Variants in DNAH17 observed in about 807,000 individuals in gnomAD.
The protein encoded by DNAH17 is dynein axonemal heavy chain 17.
In DNAH17, 376 loss-of-function variants were observed where a neutral mutation model predicts 485.6. That is an observed-to-expected ratio of 0.77 (90% CI 0.71 to 0.84). DNAH17 has a LOEUF of 0.84. DNAH17 is among the 40% of genes least tolerant of loss of function. DNAH17 has a pLI of 0.00. For missense variants in DNAH17, 6,370 were observed against 5,839.3 expected, an observed-to-expected ratio of 1.09 and a Z score of -2.96; for synonymous variants, 3,031 against 2,405.9, an observed-to-expected ratio of 1.26 and a Z score of -7.60.
chr17:78,538,267 T>G (rs2091431819), intron 18 of DNAH17, among the ~76,000 whole-genome samples: 1 of 151,896 alleles, frequency 6.6e-6, no homozygotes, highest in Admixed American at 6.6e-5. Flanking sequence ...TGCCTGTCCC[T>G]CTCCCTTGGA....
chr17:78,433,882 T>C (rs1480777547), intron 75 of DNAH17, 147 bp downstream of exon 75: 3 of 604,980 alleles, frequency 5.0e-6, no homozygotes, highest in Admixed American at 4.1e-5. Flanking sequence ...CTACTTGATG[T>C]CTTTTAAGCC....
chr17:78,454,430 C>T, intron 64 of DNAH17, 40 bp downstream of exon 64: 1 of 1,543,706 alleles, frequency 6.5e-7, no homozygotes, highest in Admixed American at 1.8e-5. Context: ...TGCTTCCAAG[C>T]AGAGCCGGGC....
At chr17:78,551,729 C>G (rs1436000909) in intron 15 of DNAH17, 91 bp from the exon 16 acceptor site, 3 of 1,246,786 alleles carry the variant, frequency 2.4e-6, no homozygotes, top group Non-Finnish European at 3.5e-6. Flanking sequence ...TTTGGGAGGT[C>G]AGGGCAGGCG....
At chr17:78,576,311 T>C (rs540369693) in intron 1 of DNAH17, among the ~76,000 whole-genome samples, 14 of 152,032 alleles carry the variant, frequency 9.2e-5, no homozygotes, top group Non-Finnish European at 1.9e-4. Flanking sequence ...CAGTAGTGGA[T>C]AGCATTTGGA....
At chr17:78,476,284 G>A (rs892597289) in intron 52 of DNAH17, among the ~76,000 whole-genome samples, 7 of 142,348 alleles carry the variant, frequency 4.9e-5, no homozygotes, top group Middle Eastern at 4.1e-3. Flanking sequence ...TGGAACCCTC[G>A]GACCCACAGC....
chr17:78,456,387 G>GCATTGACACCCAAGTTGCCCA (rs574105149), intron 62 of DNAH17, among the ~76,000 whole-genome samples: 2 of 152,186 alleles, frequency 1.3e-5, no homozygotes, highest in Non-Finnish European at 2.9e-5. Flanking sequence ...CAAGTCACCC[G>GCATTGACACCCAAGTTGCCCA]CATTGACACC....
chr17:78,461,788 G>A lies in DNAH17; in HGVS notation c.9175-80C>T. The A allele has an allele frequency of 2.8e-6, 4 of 1,422,516 alleles. No homozygotes were observed. The South Asian group carries it at 4.2e-5, about 15-fold the overall frequency. 88.1% of individuals were successfully genotyped at this position (1,422,516 alleles called of 1,614,324 possible). ...GCCCTGCACTGGGCAGACGAGGGCT[G>A]GGAGCCACAGAGGGGCAGAACGGCA... is the stretch of plus-strand genomic sequence containing the variant. On this transcript the variant is annotated intron_variant, in intron 57 of 80. Transcript: ENST00000389840.
rs546030707 is a variant in DNAH17 at position 78,425,563 on chromosome 17, C to T, written c.12924G>A (p.Glu4308=). The T allele has an allele frequency of 4.4e-6, 7 of 1,608,280 alleles. No individual in the cohort carries two copies. The Admixed American group carries it at 6.7e-5, about 16-fold the overall frequency. ...GCAGGGCAAAGTCTGTCGTCCAGGC[C>T]TCGAGTTCCTGCAAGGACACACGAG... ...ADLLLRIREL[E]AWTTDFALPT... is the part of the protein sequence containing the mutation. Residue 4308 remains glutamate (E), a synonymous_variant, in exon 80 of 81, where the codon GAG becomes GAA. Coordinates refer to ENST00000389840, the MANE Select transcript of DNAH17 (RefSeq NM_173628.4).
intron 57 of DNAH17, 140 bp from the exon 58 acceptor site, chr17:78,461,848 G>GGA (rs974242120): frequency 1.3e-6 from 1 of 742,968 alleles, no homozygotes; most frequent in African/African-American, 1.8e-5. Flanking sequence ...GACTCGTTTT[G>GGA]GAGAGTCTTT....
chr17:78,516,952 C>T (rs190276489), intron 25 of DNAH17, among the ~76,000 whole-genome samples: 1 of 152,280 alleles, frequency 6.6e-6, no homozygotes, highest in African/African-American at 2.4e-5. Flanking sequence ...TGGAATACTG[C>T]CAAGAGATTA....
intron 44 of DNAH17, among the ~76,000 whole-genome samples, chr17:78,488,824 C>T (rs925478503): frequency 3.9e-5 from 6 of 152,042 alleles, no homozygotes; most frequent in South Asian, 2.1e-4. Context: ...GAGAAGGCCA[C>T]GTGGAGACAG....
At chr17:78,513,918 G>T (rs1239473821) in intron 26 of DNAH17, among the ~76,000 whole-genome samples, 1 of 152,108 alleles carries the variant, frequency 6.6e-6, no homozygotes, top group Non-Finnish European at 1.5e-5. Context: ...CAGCTAGGTG[G>T]GGCCTCTGCA....
chr17:78,485,486 C>A, intron 47 of DNAH17, 64 bp downstream of exon 47: 1 of 1,477,660 alleles, frequency 6.8e-7, no homozygotes, highest in Non-Finnish European at 9.2e-7. Flanking sequence ...TGAGAGGGGA[C>A]AGGAGGGAAC....
rs774720235 is a variant in DNAH17, at chr17:78,539,871, C to T, written c.2542G>A (p.Glu848Lys). 1.3e-6 allele frequency: 2 copies of T among 1,574,040 alleles called. No individual in the cohort carries two copies. Among genetic ancestry groups the T allele is most frequent in the African/African-American group, 1.4e-5 (1 of 72,994 alleles). The change falls in exon 18 of 81, where the codon GAA (glutamate) becomes AAA (lysine). Residue 848 changes from glutamate (E) to lysine (K), a missense_variant. Physicochemically the swap from Glu to Lys is moderately conservative, Grantham distance 56. Transcript: ENST00000389840. ...KIQAMVAENA[E>K]LFRADTLSLP... ...CTCAGTGTGTCTGCCCTGAATAGTT[C>T]TGCGTTTTCCTGCAAACAGAAGCGC...
In DNAH17 at chr17:78,570,372, G is replaced by T. The variant is rs139556108; in HGVS notation, c.919C>A (p.Leu307Ile). The change falls in exon 7 of 81, where the codon CTC becomes ATC. Residue 307 changes from leucine (L) to isoleucine (I), a missense_variant and splice_region_variant. Physicochemically the swap from Leu to Ile is conservative, Grantham distance 5. Coordinates refer to ENST00000389840, the MANE Select transcript of DNAH17 (RefSeq NM_173628.4). Reference sequence around the variant, plus strand: ...AGCACCTTGGCAATGAAGGTGGGGAGCTGGGGGGAGACAGGCCCAGGCACA... The same window carrying T: ...AGCACCTTGGCAATGAAGGTGGGGATCTGGGGGGAGACAGGCCCAGGCACA... ...EEMEQADFTM[L>I]PTFIAKVLDT... 5 of 1,610,036 alleles carry T rather than the reference G, an allele frequency of 3.1e-6. No individual in the cohort carries two copies. The highest frequency in any genetic ancestry group is 4.2e-6 in the Non-Finnish European group (5 of 1,178,684).
chr17:78,560,156 CTCTGACTG>C (rs1442024502), intron 13 of DNAH17, among the ~76,000 whole-genome samples: 2 of 147,986 alleles, frequency 1.4e-5, no homozygotes, highest in Non-Finnish European at 3.1e-5. Context: ...ACAGACAGCT[CTCTGACTG>C]TCTGGATCAC....
In DNAH17 at chr17:78,539,774, T is replaced by C; in HGVS notation, c.2639A>G (p.Lys880Arg). Residue 880 changes from lysine (K) to arginine (R), a missense_variant, in exon 18 of 81, where the codon AAA becomes AGA. By Grantham distance (26) the Lys-to-Arg change is conservative. Coordinates refer to ENST00000389840, the MANE Select transcript of DNAH17 (RefSeq NM_173628.4). ...GTTGTCCATTAGGAAACTCAGAGAT[T>C]TGCGAATGAACTGGTCAAATTCATC... ...VLDEFDQFIR[K>R]SLSFLMDNMV... is the part of the protein sequence containing the mutation. 1.2e-6 allele frequency: 2 copies of C among 1,611,788 alleles called. No individual in the cohort carries two copies. The highest frequency in any genetic ancestry group is 1.7e-6 in the Non-Finnish European group (2 of 1,179,510).
At chr17:78,544,960 A>T (rs904910399) in intron 16 of DNAH17, among the ~76,000 whole-genome samples, 2 of 152,008 alleles carry the variant, frequency 1.3e-5, no homozygotes, top group African/African-American at 2.4e-5. Flanking sequence ...TTTTGTCAAA[A>T]AACAGTCTTT....
At chr17:78,570,916 C>CCA (rs2092347413) in intron 6 of DNAH17, 32 bp downstream of exon 6, 1 of 1,417,250 alleles carries the variant, frequency 7.1e-7, no homozygotes, top group Non-Finnish European at 9.6e-7. Flanking sequence ...AAGACCCTCC[C>CCA]CACCAAAGCC....
Sources: gnomAD v4.1 joint callset for allele counts (sites outside exome capture counted in the v4.1 genomes callset) on GRCh38, gnomAD v4.1.1 for gene constraint, MANE v1.5 for transcripts, NCBI Gene and HGNC (gene_info 2026-07-23, HGNC 2026-07-21) for gene names.